CREB1: variants seen among roughly 807,000 people sequenced by gnomAD.
CREB1 encodes the protein cyclic AMP-responsive element-binding protein 1.
Under a neutral mutation model 42.0 loss-of-function variants are expected in CREB1, and 2 were observed. The observed-to-expected ratio is 0.05, with a 90% CI of 0.02 to 0.15. The LOEUF (loss-of-function observed/expected upper bound fraction) is 0.15. Ranked by LOEUF, CREB1 falls within the 10% of genes least tolerant of loss-of-function variation. The pLI is 1.00. For synonymous variants in CREB1, 123 were observed against 139.9 expected (o/e 0.88, Z 0.85); for missense variants, 199 against 388.9 (o/e 0.51, Z 4.11).
intron 1 of CREB1, among the ~76,000 whole-genome samples, chr2:207,538,788 T>TG (rs1304709119): frequency 3.9e-5 from 6 of 152,236 alleles, no homozygotes; most frequent in Non-Finnish European, 8.8e-5. Context: ...TTCTCTGAAA[T>TG]GAAGACGTTT....
intron 7 of CREB1, among the ~76,000 whole-genome samples, chr2:207,583,526 G>A (rs2106633952): frequency 6.6e-6 from 1 of 152,274 alleles, no homozygotes; most frequent in East Asian, 1.9e-4. Flanking sequence ...TGGCCTAATA[G>A]TATTTAGCAA....
chr2:207,537,795 TTCTC>T (rs1559262475), intron 1 of CREB1, among the ~76,000 whole-genome samples: 5 of 152,322 alleles, frequency 3.3e-5, no homozygotes, highest in South Asian at 2.1e-4. Context: ...GTTTTGCCTT[TTCTC>T]TCTCTCTTTT....
At chr2:207,579,264 C>T (rs1296625426) in intron 7 of CREB1, among the ~76,000 whole-genome samples, 1 of 151,966 alleles carries the variant, frequency 6.6e-6, no homozygotes, top group Non-Finnish European at 1.5e-5. Flanking sequence ...AAACCTTTAA[C>T]TTAAAATTAG....
intron 7 of CREB1, among the ~76,000 whole-genome samples, chr2:207,596,160 G>A (rs1039425948): frequency 3.3e-5 from 5 of 152,022 alleles, no homozygotes; most frequent in African/African-American, 4.8e-5. Flanking sequence ...CATAAGGTGC[G>A]GCCCAACCTC....
chr2:207,554,181 G>A (rs984543846), intron 1 of CREB1, among the ~76,000 whole-genome samples: 4 of 152,112 alleles, frequency 2.6e-5, no homozygotes, highest in African/African-American at 9.7e-5. Flanking sequence ...TGTCATCTGT[G>A]TTTTGTGGAT....
intron 2 of CREB1, among the ~76,000 whole-genome samples, chr2:207,556,080 T>C (rs2081708047): frequency 6.6e-6 from 1 of 152,174 alleles, no homozygotes; most frequent in Non-Finnish European, 1.5e-5. Flanking sequence ...TTTTTTAATA[T>C]GACACAGATT....
chr2:207,555,473 G>A (rs1368031311), intron 1 of CREB1, among the ~76,000 whole-genome samples, 155 bp from the exon 2 acceptor site: 1 of 152,074 alleles, frequency 6.6e-6, no homozygotes, highest in Non-Finnish European at 1.5e-5. Flanking sequence ...TAAGTTTGAT[G>A]GTAATTCAGC....
chr2:207,530,661 A>T (rs1314737709), intron 1 of CREB1, among the ~76,000 whole-genome samples: 1 of 149,678 alleles, frequency 6.7e-6, no homozygotes, highest in Admixed American at 6.6e-5. Flanking sequence ...CCGGTGGGGG[A>T]TGGAGGAGGA....
At position 207,587,492 on chromosome 2, in the gene CREB1, A is replaced by G. The variant is rs556933167; in HGVS notation, c.840-9422A>G. 2.0e-5 allele frequency among the ~76,000 whole-genome samples: 3 copies of G among 152,316 alleles called. No individual in the cohort carries two copies. In the South Asian group the frequency reaches 6.2e-4, roughly 32 times the overall value. On this transcript the variant is annotated intron_variant, in intron 7 of 7. Transcript: ENST00000353267. ...ACTGGGTATCTATTCAAAAGAAAGG[A>G]AACCAGTATTGCATCACTTCACAGT...
chr2:207,542,155 T>C (rs769842704), intron 1 of CREB1, among the ~76,000 whole-genome samples: 13 of 152,194 alleles, frequency 8.5e-5, no homozygotes, highest in Non-Finnish European at 2.9e-5. Flanking sequence ...CTTGCCTTCA[T>C]TTCTCTGAGT....
chr2:207,595,201 G>A (rs1317610218), intron 7 of CREB1, among the ~76,000 whole-genome samples: 4 of 151,528 alleles, frequency 2.6e-5, no homozygotes, highest in Admixed American at 2.6e-4. Context: ...TCACCATGTT[G>A]GCCAGGCTGG....
chr2:207,587,656 T>TG, intron 7 of CREB1, among the ~76,000 whole-genome samples: 1 of 152,084 alleles, frequency 6.6e-6, no homozygotes, highest in Non-Finnish European at 1.5e-5. Context: ...TGGATGAACT[T>TG]GGGGGACATT....
intron 4 of CREB1, among the ~76,000 whole-genome samples, chr2:207,569,299 G>T (rs1317323390): frequency 6.6e-6 from 1 of 152,134 alleles, no homozygotes; most frequent in African/African-American, 2.4e-5. Flanking sequence ...TCCTGGAAAT[G>T]GGATTGAGGC....
intron 7 of CREB1, 43 bp from the exon 8 acceptor site, chr2:207,596,871 G>A (rs375848753): frequency 6.3e-7 from 1 of 1,577,844 alleles, no homozygotes; most frequent in African/African-American, 1.4e-5. Flanking sequence ...ATAAATATGT[G>A]GAAATCATTT....
intron 5 of CREB1, 121 bp downstream of exon 5, chr2:207,570,442 A>T (rs1191802885): frequency 9.7e-6 from 9 of 923,202 alleles, no homozygotes; most frequent in Non-Finnish European, 1.4e-5. Flanking sequence ...TTTTGCTGCC[A>T]TTATTATATT....
chr2:207,535,410 T>C (rs1048207696), intron 1 of CREB1, among the ~76,000 whole-genome samples: 1 of 152,184 alleles, frequency 6.6e-6, no homozygotes, highest in Non-Finnish European at 1.5e-5. Flanking sequence ...ACATTTCATA[T>C]AGTCCGGTGT....
chr2:207,544,124 G>C (rs1331578488), intron 1 of CREB1, among the ~76,000 whole-genome samples: 1 of 151,480 alleles, frequency 6.6e-6, no homozygotes, highest in Non-Finnish European at 1.5e-5. Context: ...TTTCACTGTG[G>C]TCTCGATCTT....
intron 1 of CREB1, among the ~76,000 whole-genome samples, chr2:207,530,879 T>C (rs2080588184): frequency 6.6e-6 from 1 of 151,854 alleles, no homozygotes; most frequent in Non-Finnish European, 1.5e-5. Context: ...CCTACACCGT[T>C]GAGGAAATGC....
intron 7 of CREB1, among the ~76,000 whole-genome samples, chr2:207,590,328 C>T (rs1434854965): frequency 6.6e-6 from 1 of 151,514 alleles, no homozygotes; most frequent in East Asian, 1.9e-4. Context: ...TCTCTGTATT[C>T]GCCACCCCTA....
Sources: gnomAD v4.1 joint callset for allele counts (sites outside exome capture counted in the v4.1 genomes callset) on GRCh38, gnomAD v4.1.1 for gene constraint, MANE v1.5 for transcripts, NCBI Gene and HGNC (gene_info 2026-07-23, HGNC 2026-07-21) for gene names.